TRPC4: variants seen among roughly 807,000 people sequenced by gnomAD.
TRPC4 encodes short transient receptor potential channel 4.
Under a neutral mutation model 99.4 loss-of-function variants are expected in TRPC4, and 49 were observed. That is an observed-to-expected ratio of 0.49 (90% confidence interval 0.39 to 0.63). TRPC4 has a LOEUF of 0.63. TRPC4 is among the 20% of genes least tolerant of loss of function. The pLI, the probability that TRPC4 is intolerant of heterozygous loss-of-function variation, is 0.00. For synonymous variants in TRPC4, 454 were observed against 425.9 expected (o/e 1.07, Z -0.81); for missense variants, 898 against 1,152.9 (o/e 0.78, Z 3.20).
At chr13:37,733,789 A>G (rs991183994) in intron 3 of TRPC4, among the ~76,000 whole-genome samples, 8 of 152,222 alleles carry the variant, frequency 5.3e-5, no homozygotes, top group Admixed American at 4.6e-4. Flanking sequence ...CTAATAATCA[A>G]ATCAGATAAG....
intron 1 of TRPC4, among the ~76,000 whole-genome samples, chr13:37,863,716 C>T (rs761481099): frequency 3.3e-5 from 5 of 151,598 alleles, no homozygotes; most frequent in African/African-American, 7.2e-5. Flanking sequence ...GTTCTTCACT[C>T]CATGTACACT....
At chr13:37,786,718 TC>T (rs1164684976) in intron 1 of TRPC4, among the ~76,000 whole-genome samples, 2 of 152,140 alleles carry the variant, frequency 1.3e-5, no homozygotes, top group East Asian at 3.9e-4. Context: ...AATGATTTCT[TC>T]CCCCATGAGA....
At chr13:37,849,051 C>A (rs1024639813) in intron 1 of TRPC4, among the ~76,000 whole-genome samples, 7 of 152,292 alleles carry the variant, frequency 4.6e-5, no homozygotes, top group Admixed American at 4.6e-4. Flanking sequence ...TGAGGTCCCA[C>A]TACAGCCCAT....
intron 6 of TRPC4, 80 bp from the exon 7 acceptor site, chr13:37,655,363 G>T: frequency 6.7e-6 from 3 of 448,736 alleles, no homozygotes; most frequent in Non-Finnish European, 9.3e-6. Flanking sequence ...AGCTTGGCAT[G>T]ATTATATATA....
chr13:37,663,729 A>G lies in TRPC4; in HGVS notation c.1375T>C (p.Tyr459His). ...GATTCTCGTGGATTAAGGGCACTGT[A>G]CTGGAAAAAACAGAGAAACAAAGGG... is the stretch of plus-strand genomic sequence containing the variant. ...ISLKIVAFVK[Y>H]SALNPRESWD... is the part of the protein sequence containing the mutation. The change falls in exon 6 of 11, where the codon TAC becomes CAC. Residue 459 changes from tyrosine to histidine, a missense_variant and splice_region_variant. Physicochemically the swap from Tyr to His is moderately conservative, Grantham distance 83 (BLOSUM62 2). Around this residue, in one of 3 missense-constraint regions of TRPC4, gnomAD observed 274 missense variants for 454.9 expected, o/e 0.60. Coordinates refer to ENST00000379705, the MANE Select transcript of TRPC4 (RefSeq NM_016179.4). The G allele has an allele frequency of 6.2e-7, 1 of 1,601,416 alleles. No homozygotes were observed. Among genetic ancestry groups the G allele is most frequent in the African/African-American group, 1.3e-5 (1 of 74,104 alleles).
chr13:37,708,040 C>T (rs896693696), intron 3 of TRPC4, among the ~76,000 whole-genome samples: 8 of 151,972 alleles, frequency 5.3e-5, no homozygotes, highest in Non-Finnish European at 7.4e-5. Context: ...CCAGCTTCAA[C>T]GCCAGCACTC....
intron 1 of TRPC4, among the ~76,000 whole-genome samples, chr13:37,844,103 A>G (rs1168833217): frequency 6.6e-6 from 1 of 152,226 alleles, no homozygotes; most frequent in African/African-American, 2.4e-5. Flanking sequence ...CATGGGAAAC[A>G]TTGGAAATGC....
At chr13:37,703,437 G>A (rs1465545642) in intron 3 of TRPC4, among the ~76,000 whole-genome samples, 1 of 152,034 alleles carries the variant, frequency 6.6e-6, no homozygotes, top group Non-Finnish European at 1.5e-5. Context: ...CCAGTGTTTT[G>A]TAACTCACCT....
chr13:37,746,484 ATATT>A, intron 2 of TRPC4, 29 bp from the exon 3 acceptor site: 2 of 1,560,546 alleles, frequency 1.3e-6, no homozygotes, highest in South Asian at 1.2e-5. Flanking sequence ...GAGGTGATGA[ATATT>A]TATTCTTTTG....
At chr13:37,730,097 G>A (rs1046731112) in intron 3 of TRPC4, among the ~76,000 whole-genome samples, 1 of 152,040 alleles carries the variant, frequency 6.6e-6, no homozygotes, top group Non-Finnish European at 1.5e-5. Context: ...CTAATCCCCT[G>A]TGACTATTCA....
At chr13:37,741,543 C>T (rs1482098109) in intron 3 of TRPC4, among the ~76,000 whole-genome samples, 2 of 152,092 alleles carry the variant, frequency 1.3e-5, no homozygotes, top group Non-Finnish European at 2.9e-5. Flanking sequence ...CCTGTCCCAT[C>T]GCAGAATGGT....
chr13:37,697,771 C>T (rs540555610), intron 3 of TRPC4, among the ~76,000 whole-genome samples: 1 of 152,236 alleles, frequency 6.6e-6, no homozygotes, highest in African/African-American at 2.4e-5. Flanking sequence ...TAGCATGATT[C>T]CTATGAATGT....
Position 37,825,083 on chromosome 13 carries a change from ATGG to A in TRPC4, c.-27-41726_-27-41724del, listed in dbSNP as rs1958161229. Among the ~76,000 whole-genome samples the A allele has an allele frequency of 6.6e-5, 10 of 151,224 alleles. No individual in the cohort carries two copies. The South Asian group carries it at 2.1e-3, about 32-fold the overall frequency. Reference sequence around the variant, plus strand: ...ATAGAGGTGTTTGTAGTATTCTCTGATGGTAGTTTGTATTTCTGTGGGATCAGT... The same window carrying A: ...ATAGAGGTGTTTGTAGTATTCTCTGATAGTTTGTATTTCTGTGGGATCAGT... On this transcript the variant is annotated intron_variant, in intron 1 of 10. Coordinates refer to ENST00000379705, the MANE Select transcript of TRPC4 (RefSeq NM_016179.4).
intron 1 of TRPC4, among the ~76,000 whole-genome samples, chr13:37,793,253 G>T (rs1957167107): frequency 6.6e-6 from 1 of 152,020 alleles, no homozygotes; most frequent in Admixed American, 6.6e-5. Flanking sequence ...AAATGACTGT[G>T]GAAGGCACCC....
At chr13:37,781,625 G>T (rs962056904) in intron 2 of TRPC4, among the ~76,000 whole-genome samples, 6 of 152,148 alleles carry the variant, frequency 3.9e-5, no homozygotes, top group African/African-American at 1.4e-4. Context: ...GCAAATTTTT[G>T]TAGCAGTAAA....
chr13:37,786,998 T>C (rs921844045), intron 1 of TRPC4, among the ~76,000 whole-genome samples: 3 of 152,026 alleles, frequency 2.0e-5, no homozygotes, highest in Non-Finnish European at 2.9e-5. Flanking sequence ...GTATGAAAAC[T>C]ACAGTTTTCT....
chr13:37,855,285 G>T (rs2139692470), intron 1 of TRPC4, among the ~76,000 whole-genome samples: 1 of 139,794 alleles, frequency 7.2e-6, no homozygotes, highest in East Asian at 2.0e-4. Flanking sequence ...CCAGCAACAG[G>T]ATACAATGTA....
chr13:37,655,909 C>A (rs1241921940), intron 6 of TRPC4, among the ~76,000 whole-genome samples: 1 of 152,180 alleles, frequency 6.6e-6, no homozygotes, highest in East Asian at 1.9e-4. Flanking sequence ...AAAAAGTTTG[C>A]TCTTTTACTG....
chr13:37,778,118 T>C (rs1285245011), intron 2 of TRPC4, among the ~76,000 whole-genome samples: 3 of 152,070 alleles, frequency 2.0e-5, no homozygotes, highest in Non-Finnish European at 2.9e-5. Context: ...CTAATTCATA[T>C]CCTGAATTCA....
Sources: gnomAD v4.1 joint callset for allele counts (sites outside exome capture counted in the v4.1 genomes callset) on GRCh38, gnomAD v4.1.1 for gene constraint, gnomAD v4.1.1 regional missense constraint, MANE v1.5 for transcripts, NCBI Gene and HGNC (gene_info 2026-07-23, HGNC 2026-07-21) for gene names.